The following INVS variants were observed in gnomAD, a reference collection of about 807,000 sequenced individuals.
INVS encodes the protein inversion of embryo turning homolog.
Under a neutral mutation model 108.8 loss-of-function variants are expected in INVS, and 86 were observed. The ratio of observed to expected loss-of-function variants is 0.79; its 90% confidence interval spans 0.66 to 0.95. INVS has a LOEUF of 0.95. INVS is among the 40% of genes least tolerant of loss of function. INVS has a pLI of 0.00. For missense variants in INVS, 1,169 were observed against 1,297.4 expected, an observed-to-expected ratio of 0.90 and a Z score of 1.52; for synonymous variants, 455 against 473.5, an observed-to-expected ratio of 0.96 and a Z score of 0.51.
At chr9:100,296,454 CA>C (rs1833794857) in intron 14 of INVS, among the ~76,000 whole-genome samples, 1 of 152,218 alleles carries the variant, frequency 6.6e-6, no homozygotes, top group African/African-American at 2.4e-5. Flanking sequence ...GACTTTCTGG[CA>C]CAAATGCCTC....
At position 100,100,887 on chromosome 9, in the gene INVS, A is replaced by AAT. The variant is rs1486795978; in HGVS notation, c.-25+1478_-25+1479dup. On this transcript the variant is annotated intron_variant, in intron 1 of 16. Coordinates refer to ENST00000262457, the MANE Select transcript of INVS (RefSeq NM_014425.5). ...ATATATATATTATATATGTATATATAATATATATTATATATGTATATATAT... is the reference window on the plus strand; with the variant it reads ...ATATATATATTATATATGTATATATAATATATATATTATATATGTATATATAT... Among the ~76,000 whole-genome samples the AAT allele has an allele frequency of 5.8e-4, 29 of 49,756 alleles. 1 individual carries two copies. Among genetic ancestry groups the AAT allele is most frequent in the African/African-American group, 1.4e-3 (12 of 8,490 alleles). The allele number at this position is 49,756 out of a possible 152,430, so 32.6% of individuals were successfully genotyped here.
intron 3 of INVS, among the ~76,000 whole-genome samples, chr9:100,221,198 G>A (rs1382259620): frequency 6.6e-6 from 1 of 152,066 alleles, no homozygotes; most frequent in East Asian, 1.9e-4. Context: ...CCTCAAACTA[G>A]TATCTTCCTC....
intron 6 of INVS, among the ~76,000 whole-genome samples, chr9:100,241,844 C>G (rs970903632): frequency 6.6e-6 from 1 of 152,158 alleles, no homozygotes; most frequent in African/African-American, 2.4e-5. Flanking sequence ...CTTCTTCATT[C>G]TCCAATATCT....
chr9:100,298,316 T>C (rs1588154769), intron 16 of INVS: 1 of 1,258,372 alleles, frequency 7.9e-7, no homozygotes, highest in Non-Finnish European at 1.0e-6. Flanking sequence ...TTCAAAGGAA[T>C]ACCTTGGGAA....
intron 3 of INVS, chr9:100,129,566 C>A: frequency 4.0e-6 from 2 of 502,266 alleles, no homozygotes; most frequent in Non-Finnish European, 7.4e-6. Context: ...ACCAACAAGA[C>A]ACTTTCATAA....
chr9:100,270,079 C>T (rs1338017330), intron 11 of INVS, among the ~76,000 whole-genome samples: 1 of 151,854 alleles, frequency 6.6e-6, no homozygotes, highest in Non-Finnish European at 1.5e-5. Flanking sequence ...GTCATCGTTA[C>T]CATTGTTGGA....
At chr9:100,260,723 A>G (rs1369561716) in intron 10 of INVS, among the ~76,000 whole-genome samples, 1 of 152,182 alleles carries the variant, frequency 6.6e-6, no homozygotes, top group African/African-American at 2.4e-5. Flanking sequence ...AGCCTAAGAT[A>G]ACAACAGTGG....
At chr9:100,156,915 T>A (rs1829006100) in intron 3 of INVS, among the ~76,000 whole-genome samples, 1 of 139,192 alleles carries the variant, frequency 7.2e-6, no homozygotes, top group Non-Finnish European at 1.5e-5. Flanking sequence ...CTCAAACTAA[T>A]ATATATGTAT....
At chr9:100,268,715 A>G (rs1832864744) in intron 11 of INVS, among the ~76,000 whole-genome samples, 1 of 152,072 alleles carries the variant, frequency 6.6e-6, no homozygotes, top group South Asian at 2.1e-4. Context: ...TCATAATAAA[A>G]ATATATTTTT....
At chr9:100,286,242 C>T (rs1167653869) in intron 13 of INVS, among the ~76,000 whole-genome samples, 1 of 152,158 alleles carries the variant, frequency 6.6e-6, no homozygotes, top group East Asian at 1.9e-4. Flanking sequence ...CCAAGAACAA[C>T]TACAGAAAAG....
At chr9:100,114,087 T>C (rs1176693038) in intron 2 of INVS, among the ~76,000 whole-genome samples, 1 of 152,234 alleles carries the variant, frequency 6.6e-6, no homozygotes, top group Non-Finnish European at 1.5e-5. Flanking sequence ...TTTGTAGTTA[T>C]TGTTTTTAAC....
chr9:100,276,862 C>T (rs1833129603), intron 12 of INVS, among the ~76,000 whole-genome samples: 2 of 152,200 alleles, frequency 1.3e-5, no homozygotes, highest in South Asian at 4.1e-4. Flanking sequence ...ATTTCTTTCA[C>T]TTCCACTTAC....
chr9:100,182,645 G>C (rs187052330), intron 3 of INVS, among the ~76,000 whole-genome samples: 1 of 152,312 alleles, frequency 6.6e-6, no homozygotes, highest in South Asian at 2.1e-4. Context: ...GTGCTGGAGA[G>C]GATGTGGAGA....
chr9:100,100,469 C>G (rs1166395308), intron 1 of INVS, among the ~76,000 whole-genome samples: 1 of 146,350 alleles, frequency 6.8e-6, no homozygotes, highest in Non-Finnish European at 1.5e-5. Context: ...ACTTTTTGGA[C>G]TTAGCACTCA....
intron 3 of INVS, among the ~76,000 whole-genome samples, chr9:100,203,769 C>T (rs1830598960): frequency 6.6e-6 from 1 of 152,108 alleles, no homozygotes; most frequent in African/African-American, 2.4e-5. Flanking sequence ...TCCCAAAGTG[C>T]TGGGCACGCC....
At chr9:100,202,531 A>C (rs1046189366) in intron 3 of INVS, among the ~76,000 whole-genome samples, 8 of 152,112 alleles carry the variant, frequency 5.3e-5, no homozygotes, top group Non-Finnish European at 1.0e-4. Context: ...ATCAAATCCT[A>C]AATGTTTTCA....
intron 11 of INVS, among the ~76,000 whole-genome samples, chr9:100,266,239 C>G (rs188706394): frequency 2.0e-5 from 3 of 152,086 alleles, no homozygotes; most frequent in African/African-American, 7.2e-5. Flanking sequence ...ATCCAGACCC[C>G]GTCAGAGGGT....
intron 13 of INVS, among the ~76,000 whole-genome samples, chr9:100,289,272 TA>T (rs1445567482): frequency 6.6e-6 from 1 of 152,256 alleles, no homozygotes; most frequent in African/African-American, 2.4e-5. Context: ...CACTTCTCTC[TA>T]GATTCCAACA....
chr9:100,299,761 T>C (rs1833909436), intron 16 of INVS, among the ~76,000 whole-genome samples: 1 of 152,052 alleles, frequency 6.6e-6, no homozygotes, highest in Admixed American at 6.6e-5. Context: ...CTGTGATTAT[T>C]AGTATTGGTA....
Sources: gnomAD v4.1 joint callset for allele counts (sites outside exome capture counted in the v4.1 genomes callset) on GRCh38, gnomAD v4.1.1 for gene constraint, MANE v1.5 for transcripts, NCBI Gene and HGNC (gene_info 2026-07-23, HGNC 2026-07-21) for gene names.